Variants in ERBB4 observed in about 807,000 individuals in gnomAD.
The protein encoded by ERBB4 is erb-b2 receptor tyrosine kinase 4.
In ERBB4, 42 loss-of-function variants were observed where a neutral mutation model predicts 158.0. That is an observed-to-expected ratio of 0.27 (90% CI 0.21 to 0.34). The LOEUF (loss-of-function observed/expected upper bound fraction) is 0.34. Among genes scored for constraint, ERBB4 ranks in the 10% least tolerant of loss-of-function variants. ERBB4 has a pLI of 1.00. For missense variants in ERBB4, 1,333 were observed against 1,624.1 expected, an observed-to-expected ratio of 0.82 and a Z score of 3.08; for synonymous variants, 583 against 558.7, an observed-to-expected ratio of 1.04 and a Z score of -0.61.
rs556879935 is a variant in ERBB4, at chr2:211,401,562, A to G, written c.3136-13570T>C. 5.5e-3 allele frequency among the ~76,000 whole-genome samples: 842 copies of G among 152,184 alleles called. 10 individuals are homozygous for G. Among genetic ancestry groups the G allele is most frequent in the South Asian group, 0.021 (103 of 4,820 alleles). On this transcript the variant is annotated intron_variant, in intron 25 of 27. Transcript: ENST00000342788. The stretch of plus-strand genomic sequence containing the variant: ...GCTGGCCTTTGTAGAGAAAGTTGAC[A>G]CACTAAGAGAGGCATGTAGTCATGT...
intron 1 of ERBB4, among the ~76,000 whole-genome samples, chr2:212,446,053 T>G (rs1360781614): frequency 6.6e-6 from 1 of 152,210 alleles, no homozygotes; most frequent in African/African-American, 2.4e-5. Context: ...TATGTAATAG[T>G]ATTTGAGTTG....
intron 1 of ERBB4, among the ~76,000 whole-genome samples, chr2:212,379,854 A>G (rs988701186): frequency 6.6e-6 from 1 of 150,406 alleles, no homozygotes; most frequent in African/African-American, 2.4e-5. Context: ...TGCATTTTCC[A>G]TACTACCAAT....
chr2:211,623,585 G>A (rs2125857071), intron 18 of ERBB4, among the ~76,000 whole-genome samples: 1 of 152,282 alleles, frequency 6.6e-6, no homozygotes, highest in South Asian at 2.1e-4. Context: ...GCACTGTGTA[G>A]GGGTAATGGC....
chr2:212,407,173 G>A (rs953809268), intron 1 of ERBB4, among the ~76,000 whole-genome samples: 1 of 150,832 alleles, frequency 6.6e-6, no homozygotes, highest in African/African-American at 2.4e-5. Flanking sequence ...TTATCTATAT[G>A]ATATAACACA....
chr2:212,273,376 TCTGA>T (rs1478095900), intron 1 of ERBB4, among the ~76,000 whole-genome samples: 1 of 151,794 alleles, frequency 6.6e-6, no homozygotes, highest in Admixed American at 6.6e-5. Context: ...TTTCTTCACT[TCTGA>T]CTAATTGATA....
At chr2:211,670,784 C>T (rs536710550) in intron 14 of ERBB4, among the ~76,000 whole-genome samples, 29 of 152,014 alleles carry the variant, frequency 1.9e-4, no homozygotes, top group Non-Finnish European at 3.7e-4. Flanking sequence ...CACAAAAGGC[C>T]CTCAGTAATG....
At chr2:212,224,998 A>C (rs1001353650) in intron 1 of ERBB4, among the ~76,000 whole-genome samples, 2 of 152,108 alleles carry the variant, frequency 1.3e-5, no homozygotes, top group Non-Finnish European at 2.9e-5. Flanking sequence ...TAATGTCAAT[A>C]AAAATTCAAT....
At chr2:211,573,118 A>T (rs970052979) in intron 19 of ERBB4, among the ~76,000 whole-genome samples, 1 of 152,164 alleles carries the variant, frequency 6.6e-6, no homozygotes, top group Non-Finnish European at 1.5e-5. Context: ...TATCCTTATA[A>T]AAGAGAGGCA....
At chr2:211,645,276 G>C (rs1193978430) in intron 16 of ERBB4, among the ~76,000 whole-genome samples, 1 of 151,802 alleles carries the variant, frequency 6.6e-6, no homozygotes, top group Admixed American at 6.6e-5. Flanking sequence ...GAGACAGAGA[G>C]AGAGAAAGAC....
At chr2:211,877,936 C>T (rs1432593392) in intron 3 of ERBB4, among the ~76,000 whole-genome samples, 5 of 152,006 alleles carry the variant, frequency 3.3e-5, no homozygotes, top group African/African-American at 1.2e-4. Flanking sequence ...GGCAAAACCT[C>T]GTCTCTACTA....
At chr2:212,426,216 T>G (rs769562625) in intron 1 of ERBB4, 4 of 488,642 alleles carry the variant, frequency 8.2e-6, no homozygotes, top group African/African-American at 6.2e-5. Flanking sequence ...AGAATAAGTT[T>G]TGAATTGATT....
At chr2:212,446,592 T>C (rs1180266440) in intron 1 of ERBB4, among the ~76,000 whole-genome samples, 1 of 7,474 alleles carries the variant, frequency 1.3e-4, no homozygotes, top group Admixed American at 1.6e-3. Context: ...TATATATATG[T>C]ATATATATAT....
chr2:212,103,150 T>C (rs895238701), intron 2 of ERBB4, among the ~76,000 whole-genome samples: 1 of 152,132 alleles, frequency 6.6e-6, no homozygotes, highest in African/African-American at 2.4e-5. Flanking sequence ...ATTCCTTTAA[T>C]TATTTGAAAT....
At chr2:211,580,870 T>C (rs1440198190) in intron 19 of ERBB4, among the ~76,000 whole-genome samples, 24 of 340 alleles carry the variant, frequency 0.071, 5 homozygotes, top group African/African-American at 0.19. Context: ...CATATACATA[T>C]ATATATATAT....
intron 1 of ERBB4, among the ~76,000 whole-genome samples, chr2:212,411,315 T>C (rs1051465014): frequency 3.9e-5 from 6 of 152,074 alleles, no homozygotes; most frequent in Non-Finnish European, 7.4e-5. Context: ...TACATCATCT[T>C]AATAACTTTT....
chr2:212,241,270 TA>T (rs2084094576), intron 1 of ERBB4, among the ~76,000 whole-genome samples: 1 of 149,622 alleles, frequency 6.7e-6, no homozygotes, highest in African/African-American at 2.5e-5. Context: ...AATAAAAAAA[TA>T]AAAAAATAAA....
At chr2:211,606,661 C>T (rs904913609) in intron 19 of ERBB4, among the ~76,000 whole-genome samples, 6 of 151,762 alleles carry the variant, frequency 4.0e-5, no homozygotes, top group African/African-American at 9.7e-5. Flanking sequence ...ACCCATAAAC[C>T]CAGTAAAATA....
intron 4 of ERBB4, among the ~76,000 whole-genome samples, chr2:211,766,601 T>C (rs1394228185): frequency 1.3e-5 from 2 of 152,252 alleles, no homozygotes; most frequent in East Asian, 3.9e-4. Flanking sequence ...TATTTAATTG[T>C]GAAACTGAAT....
chr2:212,206,996 T>TC (rs2082782560), intron 1 of ERBB4, among the ~76,000 whole-genome samples: 1 of 122,880 alleles, frequency 8.1e-6, no homozygotes, highest in Non-Finnish European at 1.8e-5. Context: ...CTGAGAAGTT[T>TC]CAAAAAAAAA....
Sources: gnomAD v4.1 joint callset for allele counts (sites outside exome capture counted in the v4.1 genomes callset) on GRCh38, gnomAD v4.1.1 for gene constraint, MANE v1.5 for transcripts, NCBI Gene and HGNC (gene_info 2026-07-23, HGNC 2026-07-21) for gene names.